The following NAA11 variants were observed in gnomAD, a reference collection of about 807,000 sequenced individuals.
NAA11 encodes N-alpha-acetyltransferase 11, NatA catalytic subunit.
Under a neutral mutation model 16.1 loss-of-function variants are expected in NAA11, and 15 were observed. The ratio of observed to expected loss-of-function variants is 0.93; its 90% CI spans 0.62 to 1.44. The LOEUF (loss-of-function observed/expected upper bound fraction) is 1.44. NAA11 is among the 40% of genes most tolerant of loss of function. The probability of loss-of-function intolerance (pLI) is 0.00; values close to 1 mark genes in which losing one functional copy is unlikely to be tolerated. For missense variants in NAA11, 298 were observed against 291.3 expected (o/e 1.02, Z -0.17); for synonymous variants, 122 against 112.4 (o/e 1.09, Z -0.54).
chr4:79,319,417 G>A (rs570067189), intron 1 of NAA11, among the ~76,000 whole-genome samples: 27 of 152,160 alleles, frequency 1.8e-4, no homozygotes, highest in African/African-American at 5.8e-4. Flanking sequence ...TATAGAAATG[G>A]CATTGTAGAA....
the NAA11 span, among the ~76,000 whole-genome samples, chr4:79,181,566 G>T: frequency 6.6e-6 from 1 of 152,158 alleles, no homozygotes; most frequent in Non-Finnish European, 1.5e-5. Context: ...AGACCATAAG[G>T]TGGTTTCCAT....
the NAA11 span, among the ~76,000 whole-genome samples, chr4:79,190,072 C>T: frequency 1.3e-3 from 191 of 152,232 alleles, 1 homozygote; most frequent in Admixed American, 0.012. Flanking sequence ...AAACAAAAAA[C>T]CCGCACAAAG....
chr4:79,314,639 A>AT (rs147754954), downstream of NAA11, among the ~76,000 whole-genome samples: 7 of 120,490 alleles, frequency 5.8e-5, no homozygotes, highest in East Asian at 1.5e-3. Context: ...GCTCCTTAAA[A>AT]TTAAAAAAAA....
chr4:79,199,613 C>T, the NAA11 span, among the ~76,000 whole-genome samples: 1 of 151,756 alleles, frequency 6.6e-6, no homozygotes, highest in African/African-American at 2.4e-5. Flanking sequence ...ACAATAATGG[C>T]TTGTTTATTC....
chr4:79,183,766 G>T, the NAA11 span, among the ~76,000 whole-genome samples: 1 of 151,958 alleles, frequency 6.6e-6, no homozygotes, highest in Admixed American at 6.6e-5. Context: ...TCTTCCTAAG[G>T]AAAATACGAT....
the NAA11 span, among the ~76,000 whole-genome samples, chr4:79,177,750 T>C: frequency 2.6e-5 from 4 of 152,162 alleles, no homozygotes; most frequent in African/African-American, 9.6e-5. Context: ...ATTGTTCCTT[T>C]GAAGTAAATG....
chr4:79,179,054 C>T, the NAA11 span, among the ~76,000 whole-genome samples: 1 of 152,104 alleles, frequency 6.6e-6, no homozygotes, highest in Non-Finnish European at 1.5e-5. Context: ...GGATCTTACC[C>T]TAAATGCAAG....
the NAA11 span, among the ~76,000 whole-genome samples, chr4:79,202,503 C>A: frequency 2.3e-5 from 3 of 129,640 alleles, no homozygotes; most frequent in South Asian, 7.6e-4. Flanking sequence ...TTTTCATTGG[C>A]CATAATGTAA....
At chr4:79,288,707 CAAGT>C (rs1385743722) in intron 2 of NAA11, among the ~76,000 whole-genome samples, 1 of 152,034 alleles carries the variant, frequency 6.6e-6, no homozygotes, top group Non-Finnish European at 1.5e-5. Context: ...ATTTAAAACT[CAAGT>C]AAATTTATTT....
At chr4:79,240,826 G>T (rs1472172617) in intron 2 of NAA11, among the ~76,000 whole-genome samples, 1 of 152,126 alleles carries the variant, frequency 6.6e-6, no homozygotes, top group Non-Finnish European at 1.5e-5. Flanking sequence ...TCTCTGTGGT[G>T]TCTCCTAATA....
chr4:79,309,942 C>A lies in NAA11; in HGVS notation c.*12+15234G>T, dbSNP rs188713335. Among the ~76,000 whole-genome samples, 28 of 152,158 alleles carry A rather than the reference C, an allele frequency of 1.8e-4. No individual in the cohort carries two copies. In the South Asian group the frequency reaches 1.9e-3, roughly 10 times the overall value. Reference sequence around the variant, plus strand: ...GTGTTAGCCAGGGTGGTCTTGATCTCCTGACCTCGTGATCCGCCCACCTCA... The same window carrying A: ...GTGTTAGCCAGGGTGGTCTTGATCTACTGACCTCGTGATCCGCCCACCTCA... On this transcript the variant is annotated intron_variant and NMD_transcript_variant, in intron 1 of 2. Transcript: ENST00000511542.
intron 2 of NAA11, among the ~76,000 whole-genome samples, chr4:79,245,767 G>C (rs1560419541): frequency 6.6e-6 from 1 of 151,006 alleles, no homozygotes; most frequent in African/African-American, 2.4e-5. Context: ...TGGGAGGTAG[G>C]GGGGCGCCTC....
At position 79,291,620 on chromosome 4, in the gene NAA11, T is replaced by C. The variant is rs181505068; in HGVS notation, c.*122+2385A>G. Among the ~76,000 whole-genome samples, 1,125 of 151,802 alleles carry C rather than the reference T, an allele frequency of 7.4e-3. 7 individuals are homozygous for C. The highest frequency in any genetic ancestry group is 0.045 in the Middle Eastern group (13 of 292). ...ATGCCTGTAATCCCAGCTACTCGGG[T>C]GGCTGAGGCAGGAGAATCGCTTGAA... On this transcript the variant is annotated intron_variant and NMD_transcript_variant, in intron 2 of 2. Transcript: ENST00000511542.
At chr4:79,193,905 G>T in the NAA11 span, among the ~76,000 whole-genome samples, 7 of 152,056 alleles carry the variant, frequency 4.6e-5, no homozygotes, top group Non-Finnish European at 1.0e-4. Flanking sequence ...ATTTCATTGA[G>T]CAGTGGTTTG....
the NAA11 span, among the ~76,000 whole-genome samples, chr4:79,168,123 T>A: frequency 6.6e-6 from 1 of 152,184 alleles, no homozygotes; most frequent in Non-Finnish European, 1.5e-5. Flanking sequence ...ATGCAGTGTT[T>A]GGTTTTCTGT....
In NAA11 at chr4:79,320,695, T is replaced by A. The variant is rs1724064848; in HGVS notation, c.*13-2904A>T. Among the ~76,000 whole-genome samples, 4 of 152,232 alleles carry A rather than the reference T, an allele frequency of 2.6e-5. No individual in the cohort carries two copies. The South Asian group carries it at 8.3e-4, about 32-fold the overall frequency. ...TTTTATTACCATTTTTTAGATGAAA[T>A]CAACCAGTTCTTCACCAACTGTCCT... On this transcript the variant is annotated intron_variant, in intron 1 of 1. Coordinates refer to ENST00000286794, the MANE Select transcript of NAA11 (RefSeq NM_032693.3).
chr4:79,239,508 C>T (rs768496265), intron 2 of NAA11, among the ~76,000 whole-genome samples: 7 of 151,922 alleles, frequency 4.6e-5, no homozygotes, highest in Admixed American at 6.6e-5. Flanking sequence ...CAAGACCAGC[C>T]GGCCAACGTG....
the NAA11 span, among the ~76,000 whole-genome samples, chr4:79,197,909 T>C: frequency 6.6e-6 from 1 of 151,954 alleles, no homozygotes; most frequent in African/African-American, 2.4e-5. Context: ...ATGATTTCTT[T>C]AGGTCAATAA....
chr4:79,190,666 AT>A, the NAA11 span, among the ~76,000 whole-genome samples: 44 of 151,970 alleles, frequency 2.9e-4, 1 homozygote, highest in Non-Finnish European at 5.9e-4. Context: ...ATTTTTTTAA[AT>A]TTTTTAAGTT....
Sources: gnomAD v4.1 joint callset for allele counts (sites outside exome capture counted in the v4.1 genomes callset) on GRCh38, gnomAD v4.1.1 for gene constraint, MANE v1.5 for transcripts, NCBI Gene and HGNC (gene_info 2026-07-23, HGNC 2026-07-21) for gene names.